PPP2R2B: variants seen among roughly 807,000 people sequenced by gnomAD.
The protein encoded by PPP2R2B is protein phosphatase 2 regulatory subunit Bbeta, also known as serine/threonine-protein phosphatase 2A 55 kDa regulatory subunit B beta isoform.
A neutral mutation model predicts 46.0 loss-of-function variants in PPP2R2B; 5 were observed. That is an observed-to-expected ratio of 0.11 (90% CI 0.06 to 0.23). PPP2R2B has a LOEUF of 0.23. Among genes scored for constraint, PPP2R2B ranks in the 10% least tolerant of loss-of-function variants. The pLI is 1.00. For missense variants in PPP2R2B, 367 were observed against 575.0 expected, an observed-to-expected ratio of 0.64 and a Z score of 3.70; for synonymous variants, 215 against 206.7, an observed-to-expected ratio of 1.04 and a Z score of -0.34.
At chr5:146,602,681 G>C (rs77062700) in intron 7 of PPP2R2B, among the ~76,000 whole-genome samples, 1 of 152,088 alleles carries the variant, frequency 6.6e-6, no homozygotes. Flanking sequence ...AAGCCAAAAC[G>C]TTAATTTTCA....
chr5:146,972,247 C>T (rs1298385891), intron 1 of PPP2R2B, among the ~76,000 whole-genome samples: 1 of 152,160 alleles, frequency 6.6e-6, no homozygotes, highest in Non-Finnish European at 1.5e-5. Context: ...AAAGTTCCCT[C>T]CTCATGTCAT....
chr5:146,708,908 T>C (rs1780059140), intron 2 of PPP2R2B, among the ~76,000 whole-genome samples: 1 of 152,178 alleles, frequency 6.6e-6, no homozygotes, highest in East Asian at 1.9e-4. Flanking sequence ...TATGTTTGAG[T>C]TCCTGATTCA....
chr5:146,981,751 C>T (rs552706460), intron 1 of PPP2R2B, among the ~76,000 whole-genome samples: 1 of 152,112 alleles, frequency 6.6e-6, no homozygotes, highest in African/African-American at 2.4e-5. Context: ...TCACTTAAAC[C>T]CCCTCCTTAA....
At chr5:146,889,651 G>A (rs1281112503) in intron 1 of PPP2R2B, among the ~76,000 whole-genome samples, 1 of 152,100 alleles carries the variant, frequency 6.6e-6, no homozygotes, top group African/African-American at 2.4e-5. Flanking sequence ...TCTTTCTTTG[G>A]TTTATTTTAA....
rs1184636989 is a variant in PPP2R2B at position 146,839,162 on chromosome 5, C to T, written c.70+38840G>A. Among the ~76,000 whole-genome samples the T allele has an allele frequency of 3.9e-5, 6 of 152,088 alleles. No homozygotes were observed. The East Asian group carries it at 1.2e-3, about 29-fold the overall frequency. ...AGTCTATTCGATCTTGTGGGGGAGGCAGGAAGGCAAACATTACTTATGCAA... is the reference window on the plus strand; with the variant it reads ...AGTCTATTCGATCTTGTGGGGGAGGTAGGAAGGCAAACATTACTTATGCAA... On this transcript the variant is annotated intron_variant, in intron 2 of 9. Transcript: ENST00000394411.
chr5:147,049,949 G>A (rs945119213), intron 1 of PPP2R2B, among the ~76,000 whole-genome samples: 2 of 152,114 alleles, frequency 1.3e-5, no homozygotes, highest in African/African-American at 4.8e-5. Context: ...GAAGATACAG[G>A]CTCATGAGAT....
chr5:146,650,408 G>A, intron 6 of PPP2R2B, 139 bp downstream of exon 6: 2 of 705,492 alleles, frequency 2.8e-6, no homozygotes, highest in South Asian at 4.2e-5. Flanking sequence ...AGTCTCATAG[G>A]TGCCAGTGTA....
intron 2 of PPP2R2B, among the ~76,000 whole-genome samples, chr5:146,818,684 T>A (rs1197855586): frequency 6.6e-6 from 1 of 152,178 alleles, no homozygotes; most frequent in Non-Finnish European, 1.5e-5. Flanking sequence ...ATGAGAAATC[T>A]GAGACCCAGA....
intron 1 of PPP2R2B, among the ~76,000 whole-genome samples, chr5:147,028,658 C>G (rs1178883924): frequency 1.3e-5 from 2 of 152,118 alleles, no homozygotes; most frequent in African/African-American, 4.8e-5. Flanking sequence ...TTATACATGT[C>G]TTTTGGTGAA....
chr5:146,701,432 A>C (rs1779531158), intron 2 of PPP2R2B, among the ~76,000 whole-genome samples: 1 of 152,194 alleles, frequency 6.6e-6, no homozygotes, highest in African/African-American at 2.4e-5. Flanking sequence ...ATGATGGCTG[A>C]AGGAAATGGC....
intron 5 of PPP2R2B, among the ~76,000 whole-genome samples, chr5:146,688,007 G>A (rs17105166): frequency 1.3e-5 from 2 of 152,050 alleles, no homozygotes; most frequent in African/African-American, 2.4e-5. Flanking sequence ...TTAATATCAC[G>A]TCAGCTCATT....
intron 2 of PPP2R2B, among the ~76,000 whole-genome samples, chr5:146,838,573 A>T (rs1192492449): frequency 6.6e-6 from 1 of 150,900 alleles, no homozygotes; most frequent in African/African-American, 2.4e-5. Flanking sequence ...TCCATCTCAA[A>T]AAAAAAAAAA....
chr5:146,693,327 A>C (rs901557896), intron 4 of PPP2R2B, among the ~76,000 whole-genome samples: 6 of 151,816 alleles, frequency 4.0e-5, no homozygotes, highest in African/African-American at 1.5e-4. Context: ...TGATTCTCTC[A>C]TCTCAGCCTC....
At chr5:147,003,534 G>GC (rs1431724990) in intron 1 of PPP2R2B, among the ~76,000 whole-genome samples, 1 of 152,110 alleles carries the variant, frequency 6.6e-6, no homozygotes, top group Non-Finnish European at 1.5e-5. Flanking sequence ...TCAAACCCTG[G>GC]CCTTTAATGA....
intron 1 of PPP2R2B, among the ~76,000 whole-genome samples, chr5:147,014,981 T>A (rs1245606671): frequency 4.0e-5 from 6 of 151,676 alleles, no homozygotes; most frequent in African/African-American, 1.5e-4. Context: ...ATTCCCAAAT[T>A]AAAAAAAAAT....
intron 2 of PPP2R2B, among the ~76,000 whole-genome samples, chr5:146,807,305 A>C (rs1757235546): frequency 6.6e-6 from 1 of 152,158 alleles, no homozygotes; most frequent in African/African-American, 2.4e-5. Context: ...ATGGCTAAGG[A>C]GGCATGGCAG....
At chr5:146,897,578 G>A (rs1441695442) in intron 1 of PPP2R2B, among the ~76,000 whole-genome samples, 1 of 152,114 alleles carries the variant, frequency 6.6e-6, no homozygotes, top group African/African-American at 2.4e-5. Context: ...TCTCACATAT[G>A]ACTTGGCAAT....
At chr5:146,779,327 G>A (rs759439317) in intron 2 of PPP2R2B, among the ~76,000 whole-genome samples, 11 of 152,114 alleles carry the variant, frequency 7.2e-5, no homozygotes, top group African/African-American at 1.9e-4. Context: ...TCCAGAAAAC[G>A]GATTACTCTG....
chr5:147,003,608 C>T (rs1226152189), intron 1 of PPP2R2B, among the ~76,000 whole-genome samples: 1 of 152,072 alleles, frequency 6.6e-6, no homozygotes, highest in African/African-American at 2.4e-5. Context: ...GTCAAGTAAA[C>T]AATAGAATGA....
Sources: gnomAD v4.1 joint callset for allele counts (sites outside exome capture counted in the v4.1 genomes callset) on GRCh38, gnomAD v4.1.1 for gene constraint, MANE v1.5 for transcripts, NCBI Gene and HGNC (gene_info 2026-07-23, HGNC 2026-07-21) for gene names.